UVRAG: variants seen among roughly 807,000 people sequenced by gnomAD.
UVRAG encodes UV radiation resistance-associated gene protein.
In UVRAG, 19 loss-of-function variants were observed where a neutral mutation model predicts 78.0. The ratio of observed to expected loss-of-function variants is 0.24; its 90% CI spans 0.17 to 0.36. The LOEUF is 0.36. UVRAG is among the 10% of genes least tolerant of loss of function. UVRAG has a pLI of 1.00. For missense variants in UVRAG, 740 were observed against 853.8 expected, an observed-to-expected ratio of 0.87 and a Z score of 1.66; for synonymous variants, 323 against 324.6, an observed-to-expected ratio of 1.00 and a Z score of 0.05.
chr11:76,140,774 T>A lies in UVRAG; in HGVS notation c.1461T>A (p.Gly487=). The A allele has an allele frequency of 6.2e-7, 1 of 1,613,538 alleles. No individual in the cohort carries two copies. Among genetic ancestry groups the A allele is most frequent in the Non-Finnish European group, 8.5e-7 (1 of 1,179,786 alleles). ...AGAGACAAAGCTCCATATTTGGGGG[T>A]GCAGATGTAGGCTTCTCTGGGGGGA... The part of the protein sequence containing the change: ...VPKRQSSIFG[G]ADVGFSGGIP... Residue 487 remains glycine, a synonymous_variant, in exon 15 of 15, where the codon GGT becomes GGA. Coordinates refer to ENST00000356136, the MANE Select transcript of UVRAG (RefSeq NM_003369.4).
chr11:75,846,971 G>A (rs1946047446), intron 1 of UVRAG, among the ~76,000 whole-genome samples: 1 of 152,022 alleles, frequency 6.6e-6, no homozygotes, highest in African/African-American at 2.4e-5. Context: ...TTACAGGTGT[G>A]TGCCACCACG....
chr11:76,043,737 G>A (rs1014949226), intron 12 of UVRAG, among the ~76,000 whole-genome samples: 1 of 152,154 alleles, frequency 6.6e-6, no homozygotes, highest in Non-Finnish European at 1.5e-5. Context: ...TATTTCTTGA[G>A]ATAGTAACCA....
intron 4 of UVRAG, among the ~76,000 whole-genome samples, chr11:75,888,282 C>T (rs187596464): frequency 6.6e-6 from 1 of 152,078 alleles, no homozygotes; most frequent in Non-Finnish European, 1.5e-5. Context: ...CACAGGCGTG[C>T]ACCATCATGC....
At chr11:76,079,232 C>G (rs1951455767) in intron 13 of UVRAG, among the ~76,000 whole-genome samples, 1 of 152,110 alleles carries the variant, frequency 6.6e-6, no homozygotes, top group African/African-American at 2.4e-5. Context: ...GCCTGTAATT[C>G]CAACATTTTG....
At chr11:75,886,224 C>T (rs1015014904) in intron 4 of UVRAG, among the ~76,000 whole-genome samples, 1 of 152,128 alleles carries the variant, frequency 6.6e-6, no homozygotes, top group African/African-American at 2.4e-5. Context: ...TTTTAATGCA[C>T]GTCTTCATGA....
chr11:75,890,646 G>T (rs1947195168), intron 5 of UVRAG, among the ~76,000 whole-genome samples: 2 of 151,606 alleles, frequency 1.3e-5, no homozygotes, highest in African/African-American at 4.9e-5. Context: ...TAGGCCTTTG[G>T]ATCTATGAGT....
At chr11:75,929,316 G>T (rs961763888) in intron 6 of UVRAG, among the ~76,000 whole-genome samples, 1 of 152,176 alleles carries the variant, frequency 6.6e-6, no homozygotes, top group Non-Finnish European at 1.5e-5. Flanking sequence ...TTGAGAATCT[G>T]TTGTTAGTAG....
chr11:75,977,656 G>T (rs552006941), intron 7 of UVRAG, among the ~76,000 whole-genome samples: 1 of 152,060 alleles, frequency 6.6e-6, no homozygotes, highest in Non-Finnish European at 1.5e-5. Context: ...GATCTTTGTT[G>T]GTTTAAAGTC....
chr11:75,970,696 G>T (rs1461704631), intron 7 of UVRAG, among the ~76,000 whole-genome samples: 2 of 143,848 alleles, frequency 1.4e-5, no homozygotes, highest in Non-Finnish European at 3.0e-5. Flanking sequence ...TTGTGCCACT[G>T]CACTCCAGCC....
chr11:75,974,095 G>T (rs554090674), intron 7 of UVRAG, among the ~76,000 whole-genome samples: 53 of 152,178 alleles, frequency 3.5e-4, no homozygotes, highest in Non-Finnish European at 6.5e-4. Flanking sequence ...GGGCCAAATG[G>T]TATTTCTAGT....
intron 12 of UVRAG, among the ~76,000 whole-genome samples, chr11:76,051,763 T>C (rs562649314): frequency 6.6e-6 from 1 of 152,214 alleles, no homozygotes; most frequent in Non-Finnish European, 1.5e-5. Context: ...TTTCCTGTTA[T>C]ATCAAATTTA....
At chr11:75,858,563 T>C (rs1364400814) in intron 2 of UVRAG, among the ~76,000 whole-genome samples, 2 of 152,216 alleles carry the variant, frequency 1.3e-5, no homozygotes, top group African/African-American at 4.8e-5. Flanking sequence ...CAGTATTGCA[T>C]TGAATAACTT....
At chr11:76,061,109 A>G (rs982829106) in intron 12 of UVRAG, among the ~76,000 whole-genome samples, 1 of 152,148 alleles carries the variant, frequency 6.6e-6, no homozygotes, top group African/African-American at 2.4e-5. Flanking sequence ...TATCTAGCTC[A>G]AGGTTTGTAA....
chr11:75,976,227 A>G (rs894698814), intron 7 of UVRAG, among the ~76,000 whole-genome samples: 1 of 152,190 alleles, frequency 6.6e-6, no homozygotes, highest in Admixed American at 6.5e-5. Context: ...CCACTTGATC[A>G]TGGTGGATAA....
chr11:75,945,406 A>G (rs1470788527), intron 6 of UVRAG, among the ~76,000 whole-genome samples: 1 of 152,142 alleles, frequency 6.6e-6, no homozygotes, highest in East Asian at 1.9e-4. Context: ...AAGCCGGAAA[A>G]CAAATGATTA....
chr11:75,923,686 C>T (rs1240926529), intron 6 of UVRAG, among the ~76,000 whole-genome samples: 1 of 152,018 alleles, frequency 6.6e-6, no homozygotes, highest in East Asian at 1.9e-4. Context: ...TCTTTCAATC[C>T]CTTTAGTACT....
intron 1 of UVRAG, among the ~76,000 whole-genome samples, chr11:75,843,586 C>T (rs1023691765): frequency 6.6e-6 from 1 of 152,112 alleles, no homozygotes; most frequent in African/African-American, 2.4e-5. Flanking sequence ...GGTTTCATTC[C>T]CTGGTTTCAC....
chr11:75,931,871 A>T (rs1948247952), intron 6 of UVRAG, among the ~76,000 whole-genome samples: 1 of 152,194 alleles, frequency 6.6e-6, no homozygotes, highest in Admixed American at 6.5e-5. Context: ...TTATGTTGTT[A>T]TAATCAGCTC....
intron 12 of UVRAG, among the ~76,000 whole-genome samples, chr11:76,033,310 A>G (rs1397559161): frequency 2.6e-5 from 4 of 152,196 alleles, no homozygotes; most frequent in African/African-American, 7.2e-5. Context: ...GAGAATTTAT[A>G]TAAAATGACC....
Sources: gnomAD v4.1 joint callset for allele counts (sites outside exome capture counted in the v4.1 genomes callset) on GRCh38, gnomAD v4.1.1 for gene constraint, MANE v1.5 for transcripts, NCBI Gene and HGNC (gene_info 2026-07-23, HGNC 2026-07-21) for gene names.